Variants in ZNF91 observed in about 807,000 individuals in gnomAD.
ZNF91 encodes the protein zinc finger protein 91 (HPF7, HTF10).
Under a neutral mutation model 12.6 loss-of-function variants are expected in ZNF91, and 7 were observed. The ratio of observed to expected loss-of-function variants is 0.55; its 90% CI spans 0.31 to 1.04. The LOEUF is 1.04. Among genes scored for constraint, ZNF91 ranks in the 50% least tolerant of loss-of-function variants. ZNF91 has a pLI of 0.05. For synonymous variants in ZNF91, 453 were observed against 462.6 expected (o/e 0.98, Z 0.27); for missense variants, 1,217 against 1,385.4 (o/e 0.88, Z 1.93).
At chr19:23,352,119 C>T (rs1250002626) in intron 3 of ZNF91, among the ~76,000 whole-genome samples, 1 of 152,146 alleles carries the variant, frequency 6.6e-6, no homozygotes, top group East Asian at 1.9e-4. Context: ...TGTTCTTTCC[C>T]AGCTGGGAGG....
At chr19:23,377,851 T>C (rs573617696) in intron 1 of ZNF91, among the ~76,000 whole-genome samples, 3 of 152,348 alleles carry the variant, frequency 2.0e-5, no homozygotes, top group Admixed American at 1.3e-4. Flanking sequence ...GATAATTCAT[T>C]ATTTGATTTA....
chr19:23,386,682 A>C (rs1158497801), intron 1 of ZNF91, among the ~76,000 whole-genome samples: 1 of 152,220 alleles, frequency 6.6e-6, no homozygotes, highest in Non-Finnish European at 1.5e-5. Flanking sequence ...CTGAAATGTT[A>C]ATTTTAAAAT....
chr19:23,384,485 T>C (rs867563022), intron 1 of ZNF91: 9 of 619,098 alleles, frequency 1.5e-5, no homozygotes, highest in Admixed American at 1.4e-4. Context: ...GTGAAAAAAG[T>C]TGCCCTTTCT....
chr19:23,374,886 T>G lies in ZNF91; in HGVS notation c.31-122A>C, dbSNP rs1192426645. 10 of 1,459,418 alleles carry G rather than the reference T, an allele frequency of 6.9e-6. No homozygotes were observed. In the East Asian group the frequency reaches 2.4e-4, roughly 35 times the overall value. The allele number at this position is 1,459,418 out of a possible 1,614,324, so 90.4% of individuals were successfully genotyped here. A position where few individuals can be genotyped will look rare whatever the true frequency, so the allele number is the denominator to read the frequency against. ...TCTGACTTATAAGAGTGGCTGAAAT[T>G]ATCCAATAAAATAATTGTCAACACA... On this transcript the variant is annotated intron_variant, in intron 1 of 3. Transcript: ENST00000300619.
intron 1 of ZNF91, among the ~76,000 whole-genome samples, chr19:23,378,981 T>C (rs2145111625): frequency 6.6e-6 from 1 of 151,482 alleles, no homozygotes; most frequent in East Asian, 2.0e-4. Flanking sequence ...ACATCTCTTG[T>C]ATGAGGGGAG....
chr19:23,326,167 T>G (rs767822935), intron 1 of ZNF91: 3 of 152,170 alleles, frequency 2.0e-5, no homozygotes, highest in Non-Finnish European at 4.4e-5. Context: ...CTAGGGAAAA[T>G]TAGGCCTTCT....
chr19:23,369,113 C>T (rs895571979), intron 3 of ZNF91, among the ~76,000 whole-genome samples: 1 of 152,082 alleles, frequency 6.6e-6, no homozygotes, highest in Non-Finnish European at 1.5e-5. Flanking sequence ...AGTTCAAGAC[C>T]AGCCTGCTAA....
At chr19:23,306,802 T>G (rs1460349760) in intron 3 of ZNF91, 4 of 152,208 alleles carry the variant, frequency 2.6e-5, no homozygotes, top group African/African-American at 9.7e-5. Context: ...TTATTTTTTT[T>G]TCTTTTGAGA....
chr19:23,334,277 C>T (rs538591655), downstream of ZNF91, among the ~76,000 whole-genome samples: 3 of 152,190 alleles, frequency 2.0e-5, no homozygotes, highest in South Asian at 6.2e-4. Flanking sequence ...ATGAGAGATA[C>T]TGGCCTTAGG....
intron 1 of ZNF91, among the ~76,000 whole-genome samples, chr19:23,322,109 T>G (rs2046424073): frequency 6.6e-6 from 1 of 152,170 alleles, no homozygotes. Flanking sequence ...TCATGCATCG[T>G]CCCTGCCCCT....
intron 1 of ZNF91, among the ~76,000 whole-genome samples, chr19:23,383,210 C>T (rs1214493419): frequency 6.6e-6 from 1 of 152,134 alleles, no homozygotes; most frequent in Non-Finnish European, 1.5e-5. Flanking sequence ...AAATGTGATT[C>T]ATCACATAAA....
downstream of ZNF91, chr19:23,337,783 A>C (rs1968044487): frequency 6.6e-6 from 1 of 152,140 alleles, no homozygotes; most frequent in Non-Finnish European, 1.5e-5. Context: ...CAAATGGGAA[A>C]TGTTCCAAGG....
At chr19:23,392,794 G>C (rs766957041) in intron 1 of ZNF91, among the ~76,000 whole-genome samples, 37 of 86,932 alleles carry the variant, frequency 4.3e-4, no homozygotes, top group Non-Finnish European at 6.7e-4. Context: ...GCAAGATTTC[G>C]ACTCATAAAT....
At chr19:23,394,895 A>G (rs1208415894) in intron 1 of ZNF91, among the ~76,000 whole-genome samples, 1 of 152,200 alleles carries the variant, frequency 6.6e-6, no homozygotes, top group Non-Finnish European at 1.5e-5. Context: ...CTTTGATTAA[A>G]TTATTTAATC....
At chr19:23,391,369 C>T (rs1369099693) in intron 1 of ZNF91, among the ~76,000 whole-genome samples, 3 of 152,180 alleles carry the variant, frequency 2.0e-5, no homozygotes, top group African/African-American at 7.2e-5. Flanking sequence ...CATACAACCC[C>T]ATTTTATGTT....
At chr19:23,384,691 G>C in intron 1 of ZNF91, 1 of 588,612 alleles carries the variant, frequency 1.7e-6, no homozygotes, top group Non-Finnish European at 3.1e-6. Context: ...CGTCTTTGGA[G>C]ATATTTCCTT....
At chr19:23,386,679 G>A (rs1969883888) in intron 1 of ZNF91, among the ~76,000 whole-genome samples, 1 of 152,090 alleles carries the variant, frequency 6.6e-6, no homozygotes, top group African/African-American at 2.4e-5. Flanking sequence ...AGACTGAAAT[G>A]TTAATTTTAA....
chr19:23,313,807 T>C (rs189672686), upstream of ZNF91, among the ~76,000 whole-genome samples: 1 of 152,314 alleles, frequency 6.6e-6, no homozygotes, highest in East Asian at 1.9e-4. Context: ...TATGATTCCA[T>C]GAATAAGACA....
chr19:23,347,195 G>A (rs1055391443), intron 3 of ZNF91, among the ~76,000 whole-genome samples: 8 of 151,960 alleles, frequency 5.3e-5, no homozygotes, highest in African/African-American at 1.9e-4. Context: ...CCTCATTCGA[G>A]CTCTCACTCT....
Sources: allele counts gnomAD v4.1 joint callset (sites outside exome capture counted in the v4.1 genomes callset), GRCh38; gene constraint gnomAD v4.1.1; transcripts MANE v1.5; gene names NCBI Gene and HGNC (gene_info 2026-07-23, HGNC 2026-07-21).